KIAA1328: variants seen among roughly 807,000 people sequenced by gnomAD.
KIAA1328 encodes the protein KIAA1328.
In KIAA1328, 52 loss-of-function variants were observed where a neutral mutation model predicts 68.1. The observed-to-expected ratio is 0.76, with a 90% CI of 0.61 to 0.96. The LOEUF (loss-of-function observed/expected upper bound fraction) is 0.96, where lower values mean the gene tolerates loss of function less well. KIAA1328 is among the 40% of genes least tolerant of loss of function. The pLI is 0.00. For synonymous variants in KIAA1328, 232 were observed against 239.4 expected (o/e 0.97, Z 0.28); for missense variants, 641 against 677.6 (o/e 0.95, Z 0.60).
chr18:37,224,152 T>G lies in KIAA1328; in HGVS notation c.*1925T>G, dbSNP rs2060609986. Reference sequence around the variant, plus strand: ...CTTGCCCCCTGTGTCATGACTAGCTTAAGTGTACTTGACTCCCATAGACTA... The same window carrying G: ...CTTGCCCCCTGTGTCATGACTAGCTGAAGTGTACTTGACTCCCATAGACTA... On this transcript the variant is annotated 3_prime_UTR_variant, in exon 10 of 10. Transcript: ENST00000280020. 3 of 985,252 alleles carry G rather than the reference T, an allele frequency of 3.0e-6. No homozygotes were observed. The highest frequency in any genetic ancestry group is 3.6e-6 in the Non-Finnish European group (3 of 829,932). The allele number at this position is 985,252 out of a possible 1,614,324, so 61.0% of individuals were successfully genotyped here. A position where few individuals can be genotyped will look rare whatever the true frequency, so the allele number is the denominator to read the frequency against.
intron 7 of KIAA1328, among the ~76,000 whole-genome samples, chr18:37,129,133 A>C (rs769137806): frequency 6.6e-6 from 1 of 152,212 alleles, no homozygotes; most frequent in Non-Finnish European, 1.5e-5. Context: ...TTTGTATTTT[A>C]AAAGGATAAA....
chr18:37,099,673 G>A (rs575568634), intron 7 of KIAA1328, among the ~76,000 whole-genome samples: 2 of 152,232 alleles, frequency 1.3e-5, no homozygotes, highest in African/African-American at 2.4e-5. Flanking sequence ...TTGACAGTGG[G>A]TTGTTAAAGT....
At chr18:37,129,695 ACATAAT>A (rs1190297684) in intron 7 of KIAA1328, among the ~76,000 whole-genome samples, 2 of 152,236 alleles carry the variant, frequency 1.3e-5, no homozygotes, top group African/African-American at 4.8e-5. Flanking sequence ...GTAAATATTT[ACATAAT>A]CATAATATGG....
At chr18:37,089,005 G>A (rs1599223198) in intron 7 of KIAA1328, among the ~76,000 whole-genome samples, 1 of 151,966 alleles carries the variant, frequency 6.6e-6, no homozygotes, top group African/African-American at 2.4e-5. Context: ...TACAACATGT[G>A]TATATATTTG....
At chr18:37,001,724 C>T (rs2053591804) in intron 6 of KIAA1328, among the ~76,000 whole-genome samples, 2 of 152,102 alleles carry the variant, frequency 1.3e-5, no homozygotes, top group Non-Finnish European at 1.5e-5. Flanking sequence ...AAATGTAGAA[C>T]ATCACATCAG....
intron 6 of KIAA1328, among the ~76,000 whole-genome samples, chr18:37,046,567 T>C (rs1203354392): frequency 1.3e-5 from 2 of 152,198 alleles, no homozygotes; most frequent in African/African-American, 4.8e-5. Flanking sequence ...AATGTTAAGG[T>C]CATCTTTTTT....
At chr18:37,082,463 C>T (rs8092561) in intron 7 of KIAA1328, among the ~76,000 whole-genome samples, 429 of 152,274 alleles carry the variant, frequency 2.8e-3, no homozygotes, top group African/African-American at 0.01. Flanking sequence ...TGAGCCACCC[C>T]GCCCGGCCCC....
intron 6 of KIAA1328, among the ~76,000 whole-genome samples, chr18:37,012,489 A>G (rs1158275553): frequency 6.6e-6 from 1 of 152,210 alleles, no homozygotes; most frequent in Non-Finnish European, 1.5e-5. Context: ...GGCAGAACCT[A>G]ATTGACTTCC....
At chr18:37,082,742 G>A (rs1180387838) in intron 7 of KIAA1328, among the ~76,000 whole-genome samples, 2 of 152,118 alleles carry the variant, frequency 1.3e-5, no homozygotes, top group East Asian at 1.9e-4. Context: ...AACAACTTTC[G>A]AAAGGGTATT....
intron 5 of KIAA1328, among the ~76,000 whole-genome samples, chr18:36,914,442 C>G (rs572860431): frequency 1.3e-5 from 2 of 152,250 alleles, no homozygotes; most frequent in Non-Finnish European, 1.5e-5. Flanking sequence ...GGATCCAGGG[C>G]CGGGCGTGGT....
At position 37,079,238 on chromosome 18, in the gene KIAA1328, C is replaced by A. The variant is rs1433064610; in HGVS notation, c.1232+11693C>A. Reference sequence around the variant, plus strand: ...AGCAAACTATCGCAAGGACAGAAAACCAAACACTGCATGTTCTCACTCTTA... The same window carrying A: ...AGCAAACTATCGCAAGGACAGAAAAACAAACACTGCATGTTCTCACTCTTA... On this transcript the variant is annotated intron_variant, in intron 7 of 9. Coordinates refer to ENST00000280020, the MANE Select transcript of KIAA1328 (RefSeq NM_020776.3). Among the ~76,000 whole-genome samples the A allele has an allele frequency of 5.3e-4, 60 of 113,732 alleles. 13 individuals are homozygous for A. Among genetic ancestry groups the A allele is most frequent in the Non-Finnish European group, 7.5e-4 (44 of 58,502 alleles). 74.6% of individuals were successfully genotyped at this position (113,732 alleles called of 152,430 possible).
chr18:36,838,443 G>A (rs1366715454), intron 3 of KIAA1328, among the ~76,000 whole-genome samples: 1 of 152,068 alleles, frequency 6.6e-6, no homozygotes, highest in African/African-American at 2.4e-5. Flanking sequence ...TTTAACATTA[G>A]TTCAGGTATG....
intron 7 of KIAA1328, among the ~76,000 whole-genome samples, chr18:37,112,756 C>G (rs1323823824): frequency 6.6e-6 from 1 of 152,076 alleles, no homozygotes. Context: ...AGCTGAATAC[C>G]TTGAAAAAAG....
chr18:36,942,817 A>G (rs767789243), intron 5 of KIAA1328, among the ~76,000 whole-genome samples: 3 of 152,156 alleles, frequency 2.0e-5, no homozygotes, highest in Non-Finnish European at 2.9e-5. Flanking sequence ...TTTTAGCTAT[A>G]TTATTGTGAC....
intron 6 of KIAA1328, among the ~76,000 whole-genome samples, chr18:36,976,359 A>G (rs1424047714): frequency 1.3e-5 from 2 of 152,200 alleles, no homozygotes; most frequent in Non-Finnish European, 2.9e-5. Context: ...TTTTTCAGAA[A>G]AAATTGGTGA....
chr18:36,916,752 C>T (rs567776433), intron 5 of KIAA1328, among the ~76,000 whole-genome samples: 1 of 152,202 alleles, frequency 6.6e-6, no homozygotes, highest in Non-Finnish European at 1.5e-5. Context: ...TGGTTTCTTA[C>T]GTATTTGTTA....
In KIAA1328 at chr18:37,124,777, T is replaced by C. The variant is rs191620727; in HGVS notation, c.1233-35423T>C. Among the ~76,000 whole-genome samples the C allele has an allele frequency of 2.3e-4, 35 of 152,302 alleles. No homozygotes were observed. In the East Asian group the frequency reaches 5.2e-3, roughly 23 times the overall value. On this transcript the variant is annotated intron_variant, in intron 7 of 9. Transcript: ENST00000280020. ...AGTTCCTCTAATATGCTAAGCTTAT[T>C]ATCATTCCAGTCCCCTCGTGCTTGT...
chr18:37,035,698 T>C (rs1387769197), intron 6 of KIAA1328, among the ~76,000 whole-genome samples: 1 of 152,246 alleles, frequency 6.6e-6, no homozygotes, highest in East Asian at 1.9e-4. Flanking sequence ...TCTTGTATGA[T>C]GTGATTTTTT....
rs2056370931 is a variant in KIAA1328 at position 37,067,216 on chromosome 18, T to G, written c.903T>G (p.Thr301=). The G allele has an allele frequency of 6.2e-7, 1 of 1,613,874 alleles. No individual in the cohort carries two copies. Among genetic ancestry groups the G allele is most frequent in the Non-Finnish European group, 8.5e-7 (1 of 1,179,872 alleles). The change falls in exon 7 of 10, where the codon ACT becomes ACG. Residue 301 remains threonine (T), a synonymous_variant. Transcript: ENST00000280020. ...AGGAATGTCCACATCTTAAGCCTAC[T>G]CCTAGTCAATGCTGTGGTCATAGAC... is the stretch of plus-strand genomic sequence containing the variant. ...HMKECPHLKP[T]PSQCCGHRLA...
Sources: allele counts gnomAD v4.1 joint callset (sites outside exome capture counted in the v4.1 genomes callset), GRCh38; gene constraint gnomAD v4.1.1; transcripts MANE v1.5; gene names NCBI Gene and HGNC (gene_info 2026-07-23, HGNC 2026-07-21).